CTBP2: variants seen among roughly 807,000 people sequenced by gnomAD.
CTBP2 encodes C-terminal-binding protein 2.
CTBP2 carries 30 observed loss-of-function variants against 80.3 expected under a neutral mutation model. That is an observed-to-expected ratio of 0.37 (90% CI 0.28 to 0.51). The LOEUF (loss-of-function observed/expected upper bound fraction) is 0.51. Among genes scored for constraint, CTBP2 ranks in the 20% least tolerant of loss-of-function variants. The pLI is 0.93. For synonymous variants in CTBP2, 594 were observed against 587.4 expected (o/e 1.01, Z -0.16); for missense variants, 1,212 against 1,375.3 (o/e 0.88, Z 1.88).
chr10:125,156,917 T>C (rs1360969809), intron 1 of CTBP2, among the ~76,000 whole-genome samples: 1 of 152,226 alleles, frequency 6.6e-6, no homozygotes. Context: ...TAGCAAGTTT[T>C]ACCGTTTCAT....
At chr10:125,150,805 A>G (rs1565050699) in intron 1 of CTBP2, among the ~76,000 whole-genome samples, 1 of 149,424 alleles carries the variant, frequency 6.7e-6, no homozygotes, top group Non-Finnish European at 1.5e-5. Flanking sequence ...GATGTTTTAC[A>G]TTCACTGCAC....
intron 1 of CTBP2, among the ~76,000 whole-genome samples, chr10:125,120,548 A>G (rs1474773642): frequency 1.3e-5 from 2 of 152,092 alleles, no homozygotes; most frequent in East Asian, 1.9e-4. Context: ...CACCACGCCC[A>G]GCTAATTTTT....
intron 2 of CTBP2, among the ~76,000 whole-genome samples, chr10:125,084,140 G>A (rs1847615975): frequency 1.3e-5 from 2 of 152,024 alleles, no homozygotes; most frequent in African/African-American, 4.8e-5. Flanking sequence ...TTTATTTTTT[G>A]TAGAGATGTT....
At chr10:125,126,144 T>C (rs911015369) in intron 1 of CTBP2, among the ~76,000 whole-genome samples, 1 of 150,828 alleles carries the variant, frequency 6.6e-6, no homozygotes, top group African/African-American at 2.4e-5. Context: ...CTGGACACAC[T>C]TCGCAATGGG....
rs957128267 is a variant in CTBP2 at position 124,984,451 on chromosome 10, T to G, written c.*5067A>C. The G allele has an allele frequency of 2.7e-5, 7 of 260,668 alleles. No individual in the cohort carries two copies. The highest frequency in any genetic ancestry group is 4.3e-5 in the Non-Finnish European group (6 of 138,900). The allele number at this position is 260,668 out of a possible 1,614,324, so 16.1% of individuals were successfully genotyped here. A position where few individuals can be genotyped will look rare whatever the true frequency, so the allele number is the denominator to read the frequency against. Reference sequence around the variant, plus strand: ...TTGTACATAATTGACTAAGTAAACTTACCTTGTCATGTGTTTGAAGCTGTG... The same window carrying G: ...TTGTACATAATTGACTAAGTAAACTGACCTTGTCATGTGTTTGAAGCTGTG... On this transcript the variant is annotated 3_prime_UTR_variant, in exon 9 of 9. Coordinates refer to ENST00000309035, the MANE Select transcript of CTBP2 (RefSeq NM_022802.3).
intron 1 of CTBP2, among the ~76,000 whole-genome samples, chr10:125,014,892 C>A (rs536498503): frequency 7.2e-5 from 11 of 152,184 alleles, no homozygotes; most frequent in Non-Finnish European, 1.6e-4. Context: ...TCAGCAATAA[C>A]CAGAGAGAAG....
intron 2 of CTBP2, among the ~76,000 whole-genome samples, chr10:125,045,323 C>A (rs1960954726): frequency 6.6e-6 from 1 of 152,168 alleles, no homozygotes; most frequent in South Asian, 2.1e-4. Flanking sequence ...TTTCTTACAG[C>A]AGCCCGAACT....
intron 2 of CTBP2, among the ~76,000 whole-genome samples, chr10:125,046,577 G>GA (rs1961323007): frequency 6.7e-6 from 1 of 150,016 alleles, no homozygotes; most frequent in Non-Finnish European, 1.5e-5. Flanking sequence ...TGAGGCTAAG[G>GA]AATGTGGATC....
At chr10:125,035,973 C>G (rs1750440335) in intron 3 of CTBP2, among the ~76,000 whole-genome samples, 1 of 152,118 alleles carries the variant, frequency 6.6e-6, no homozygotes, top group Non-Finnish European at 1.5e-5. Flanking sequence ...AAAAAAGGAA[C>G]AATTATAAAT....
At chr10:125,130,109 A>C (rs957281695) in intron 1 of CTBP2, among the ~76,000 whole-genome samples, 11 of 149,486 alleles carry the variant, frequency 7.4e-5, no homozygotes, top group African/African-American at 2.7e-4. Context: ...GTGTAATAGC[A>C]TGATCTCGGC....
chr10:125,109,167 C>T (rs1212762449), intron 2 of CTBP2, among the ~76,000 whole-genome samples: 3 of 152,182 alleles, frequency 2.0e-5, no homozygotes, highest in Non-Finnish European at 4.4e-5. Context: ...CACCAAGTTC[C>T]CACATCCTTC....
chr10:125,019,330 C>G (rs1227823435), intron 1 of CTBP2, among the ~76,000 whole-genome samples: 1 of 152,154 alleles, frequency 6.6e-6, no homozygotes, highest in Admixed American at 6.5e-5. Context: ...CTTTCATAAA[C>G]TTACCAAAAA....
intron 8 of CTBP2, 86 bp from the exon 11 acceptor site, chr10:124,989,784 G>C: frequency 7.7e-7 from 1 of 1,304,448 alleles, no homozygotes; most frequent in South Asian, 1.6e-5. Flanking sequence ...CTTTTCATAA[G>C]AGACAGGAGC....
intron 2 of CTBP2, among the ~76,000 whole-genome samples, chr10:125,089,629 T>C (rs563067357): frequency 8.6e-4 from 131 of 152,256 alleles, no homozygotes; most frequent in Middle Eastern, 3.4e-3. Flanking sequence ...CCAGAGAATG[T>C]AAGATGTGCA....
At chr10:124,996,048 G>GTTTTTTTTTTTTTTTTTT (rs34886360) in intron 4 of CTBP2, 1 of 131,336 alleles carries the variant, frequency 7.6e-6, no homozygotes, top group African/African-American at 3.1e-5. Flanking sequence ...CTATTTCTTT[G>GTTTTTTTTTTTTTTTTTT]TTTTTTTTTT....
At chr10:124,995,182 C>T (rs1366585855) in intron 4 of CTBP2, among the ~76,000 whole-genome samples, 1 of 152,222 alleles carries the variant, frequency 6.6e-6, no homozygotes, top group Non-Finnish European at 1.5e-5. Flanking sequence ...ACAATGGCTC[C>T]CTGCAGGCTG....
chr10:125,073,367 C>T (rs568199513), intron 2 of CTBP2, among the ~76,000 whole-genome samples: 1 of 152,304 alleles, frequency 6.6e-6, no homozygotes, highest in Non-Finnish European at 1.5e-5. Context: ...CCTCAGGCTC[C>T]TGAGTAACTG....
At chr10:125,018,915 T>C (rs906858842) in intron 1 of CTBP2, among the ~76,000 whole-genome samples, 1 of 152,172 alleles carries the variant, frequency 6.6e-6, no homozygotes, top group African/African-American at 2.4e-5. Flanking sequence ...CCATTGACAT[T>C]TGCAAACCCT....
intron 1 of CTBP2, among the ~76,000 whole-genome samples, chr10:125,138,664 G>A (rs551751757): frequency 7.1e-6 from 1 of 140,432 alleles, no homozygotes; most frequent in African/African-American, 2.8e-5. Flanking sequence ...AAGCCAAATG[G>A]TTAAAAAAAA....
Sources: allele counts gnomAD v4.1 joint callset (sites outside exome capture counted in the v4.1 genomes callset), GRCh38; gene constraint gnomAD v4.1.1; transcripts MANE v1.5; gene names NCBI Gene and HGNC (gene_info 2026-07-23, HGNC 2026-07-21).